The following MED23 variants were observed in gnomAD, a reference collection of about 807,000 sequenced individuals.
The protein encoded by MED23 is mediator of RNA polymerase II transcription subunit 23.
Under a neutral mutation model 163.9 loss-of-function variants are expected in MED23, and 105 were observed. The observed-to-expected ratio is 0.64, with a 90% CI of 0.55 to 0.75. The LOEUF (loss-of-function observed/expected upper bound fraction) is 0.75. MED23 is among the 30% of genes least tolerant of loss of function. The probability of loss-of-function intolerance (pLI) is 0.00; values close to 1 mark genes in which losing one functional copy is unlikely to be tolerated. For missense variants in MED23, 1,054 were observed against 1,649.0 expected, an observed-to-expected ratio of 0.64 and a Z score of 6.25; for synonymous variants, 561 against 565.6, an observed-to-expected ratio of 0.99 and a Z score of 0.12.
chr6:131,619,373 A>G (rs1348097439), intron 8 of MED23, among the ~76,000 whole-genome samples: 1 of 152,198 alleles, frequency 6.6e-6, no homozygotes, highest in Non-Finnish European at 1.5e-5. Context: ...GCCAAATCAC[A>G]TGGTTATTTT....
Position 131,598,294 on chromosome 6 carries a change from A to G in MED23, c.2600T>C (p.Leu867Pro). 1 of 1,613,248 alleles carries G rather than the reference A, an allele frequency of 6.2e-7. No individual in the cohort carries two copies. The highest frequency in any genetic ancestry group is 8.5e-7 in the Non-Finnish European group (1 of 1,179,160). ...AAATGTATTTATTCTTACCAGGCAG[A>G]GAATTAATCTGTCCAGTGTAACAAT... ...YNIVTLDRLI[L>P]CLAMRSHEGN... The change falls in exon 20 of 29, where the codon CTC becomes CCC. Residue 867 changes from leucine to proline, a missense_variant. Physicochemically the swap from Leu to Pro is moderately conservative, Grantham distance 98. Around this residue, in one of 11 missense-constraint regions of MED23, gnomAD observed 228 missense variants for 461.3 expected, o/e 0.49. Coordinates refer to ENST00000368068, the MANE Select transcript of MED23 (RefSeq NM_004830.4). This position sits in a 1 kb window ranked among gnomAD's most constrained non-coding sequence, Gnocchi z 4.7.
intron 7 of MED23, 125 bp downstream of exon 7, chr6:131,620,503 T>C (rs1269968996): frequency 8.5e-6 from 6 of 703,430 alleles, no homozygotes; most frequent in African/African-American, 1.8e-5. Flanking sequence ...TCTTGTTATG[T>C]TACCCAGGTT....
At chr6:131,602,481 T>C in intron 16 of MED23, 100 bp from the exon 17 acceptor site, 2 of 1,079,828 alleles carry the variant, frequency 1.9e-6, no homozygotes, top group Admixed American at 2.6e-5. Flanking sequence ...TCTATGACTA[T>C]CCCTTCTTTA....
At chr6:131,605,195 G>GT in intron 14 of MED23, 45 bp downstream of exon 14, 1 of 1,592,606 alleles carries the variant, frequency 6.3e-7, no homozygotes, top group Non-Finnish European at 8.6e-7. Flanking sequence ...TACTATACTC[G>GT]TATCAATTCC....
downstream of MED23, among the ~76,000 whole-genome samples, chr6:131,584,600 G>A (rs965051922): frequency 6.6e-6 from 1 of 152,070 alleles, no homozygotes; most frequent in African/African-American, 2.4e-5. Flanking sequence ...TGGGCTAGAT[G>A]TCCATGTTTT....
intron 25 of MED23, 137 bp from the exon 26 acceptor site, chr6:131,591,664 G>C: frequency 1.4e-6 from 1 of 706,030 alleles, no homozygotes. Flanking sequence ...GGGTGGCTTT[G>C]TAACTGGTCA....
At chr6:131,607,573 T>C (rs1166358603) in intron 12 of MED23, among the ~76,000 whole-genome samples, 1 of 152,002 alleles carries the variant, frequency 6.6e-6, no homozygotes, top group African/African-American at 2.4e-5. Flanking sequence ...CAACAATTCA[T>C]GATAAAGTAC....
downstream of MED23, among the ~76,000 whole-genome samples, chr6:131,582,387 GCC>G (rs1773970952): frequency 1.3e-5 from 2 of 152,150 alleles, no homozygotes; most frequent in Admixed American, 1.3e-4. Context: ...GGAAAGAAGG[GCC>G]CAGCAGGACT....
At position 131,587,674 on chromosome 6, in the gene MED23, T is replaced by G; in HGVS notation, c.*5A>C. The G allele has an allele frequency of 6.2e-7, 1 of 1,614,120 alleles. No homozygotes were observed. Among genetic ancestry groups the G allele is most frequent in the Non-Finnish European group, 8.5e-7 (1 of 1,179,976 alleles). On this transcript the variant is annotated 3_prime_UTR_variant, in exon 29 of 29. Transcript: ENST00000368068. ...TTTCTACTTTCTCCACAGTACAGTC[T>G]GGCTTCACTGAGTTACTGGTAAAGA...
chr6:131,587,595 G>A lies in MED23; in HGVS notation c.*84C>T, dbSNP rs1252012172. 1 of 1,600,386 alleles carries A rather than the reference G, an allele frequency of 6.2e-7. No individual in the cohort carries two copies. The highest frequency in any genetic ancestry group is 1.3e-5 in the African/African-American group (1 of 74,728). ...TCACTGCTTCTACTATATCACTACAGTGTGATCGCATTCAGATTTAAAAGG... is the reference window on the plus strand; with the variant it reads ...TCACTGCTTCTACTATATCACTACAATGTGATCGCATTCAGATTTAAAAGG... On this transcript the variant is annotated 3_prime_UTR_variant, in exon 29 of 29. Transcript: ENST00000368068.
rs1032198304 is a variant in MED23, at chr6:131,574,384, C to T, written c.4096-89G>A. The stretch of plus-strand genomic sequence containing the variant: ...ATACTACTTTGCTTCCCCTGGAAAT[C>T]CTCCAAAAGTCTCTCCCAAACACAG... On this transcript the variant is annotated intron_variant, in intron 30 of 30. Transcript: ENST00000354577. 4 of 1,469,252 alleles carry T rather than the reference C, an allele frequency of 2.7e-6. No individual in the cohort carries two copies. The African/African-American group carries it at 5.6e-5, about 20-fold the overall frequency. The allele number at this position is 1,469,252 out of a possible 1,614,324, so 91.0% of individuals were successfully genotyped here.
exon 31 of MED23, chr6:131,574,083 A>C: frequency 6.3e-6 from 4 of 638,216 alleles, no homozygotes; most frequent in Non-Finnish European, 1.1e-5. Context: ...CTGCCTGGGC[A>C]CACTTATTCT....
In MED23 at chr6:131,596,013, A is replaced by G. The variant is rs754577112; in HGVS notation, c.2929T>C (p.Leu977=). The G allele has an allele frequency of 2.7e-5, 44 of 1,613,944 alleles. No individual in the cohort carries two copies. Among genetic ancestry groups the G allele is most frequent in the Middle Eastern group, 1.6e-4 (1 of 6,084 alleles). Residue 977 remains leucine (L), a synonymous_variant, in exon 22 of 29, where the codon TTG becomes CTG. Coordinates refer to ENST00000368068, the MANE Select transcript of MED23 (RefSeq NM_004830.4). Reference sequence around the variant, plus strand: ...TCCAGTGATTTGGATACCGGAAGCAACTCTAAAAATCTGTGGATTACTATA... The same window carrying G: ...TCCAGTGATTTGGATACCGGAAGCAGCTCTAAAAATCTGTGGATTACTATA... ...FDIVIHRFLE[L]LPVSKSLETL... is the part of the protein sequence containing the mutation.
chr6:131,575,583 T>C (rs1039810299), intron 30 of MED23, among the ~76,000 whole-genome samples: 1 of 152,094 alleles, frequency 6.6e-6, no homozygotes, highest in Non-Finnish European at 1.5e-5. Flanking sequence ...TTCCTTTGAA[T>C]GGGGAAAAAA....
intron 14 of MED23, 148 bp from the exon 15 acceptor site, chr6:131,604,468 C>A: frequency 1.1e-6 from 1 of 944,574 alleles, no homozygotes. Flanking sequence ...CTGTGCAGGA[C>A]ACTTGGTAAG....
chr6:131,617,664 C>T (rs2114738786), intron 9 of MED23, among the ~76,000 whole-genome samples: 1 of 152,028 alleles, frequency 6.6e-6, no homozygotes, highest in Middle Eastern at 3.4e-3. Flanking sequence ...ACAGAATAAC[C>T]AAAGTGACTG....
At chr6:131,579,347 AAGAG>A (rs1773797526) in intron 30 of MED23, 1 of 1,575,230 alleles carries the variant, frequency 6.3e-7, no homozygotes. Context: ...AGGCCATAAG[AAGAG>A]AGAAAATTTA....
At chr6:131,590,216 T>G in intron 27 of MED23, 106 bp downstream of exon 27, 1 of 1,068,940 alleles carries the variant, frequency 9.4e-7, no homozygotes, top group Non-Finnish European at 1.4e-6. Context: ...TAAACTAGTT[T>G]CACTACTAAT....
In MED23 at chr6:131,628,195, A is replaced by C. The variant is rs1777664210; in HGVS notation, c.-146T>G. The C allele has an allele frequency of 1.1e-6, 1 of 913,328 alleles. No individual in the cohort carries two copies. The highest frequency in any genetic ancestry group is 1.8e-6 in the Non-Finnish European group (1 of 569,344). The allele number at this position is 913,328 out of a possible 1,614,324, so 56.6% of individuals were successfully genotyped here. On this transcript the variant is annotated 5_prime_UTR_variant, in exon 1 of 29. Transcript: ENST00000368068. ...CTTCCTCCCCCAGCGCTTTACCTGG[A>C]GCGTTCCCTCCCGAGCCCAGCCAAC...
Sources: gnomAD v4.1 joint callset for allele counts (sites outside exome capture counted in the v4.1 genomes callset) on GRCh38, gnomAD v4.1.1 for gene constraint, gnomAD v4.1.1 regional missense constraint, Gnocchi (gnomAD v3.1) non-coding constraint, MANE v1.5 for transcripts, NCBI Gene and HGNC (gene_info 2026-07-23, HGNC 2026-07-21) for gene names.